The following ACYP2 variants were observed in gnomAD, a reference collection of about 807,000 sequenced individuals.
The protein encoded by ACYP2 is acylphosphatase 2.
A neutral mutation model predicts 11.2 loss-of-function variants in ACYP2; 12 were observed. That is an observed-to-expected ratio of 1.08 (90% CI 0.69 to 1.74). The LOEUF (loss-of-function observed/expected upper bound fraction) is 1.74, where lower values mean the gene tolerates loss of function less well. Ranked by LOEUF, ACYP2 falls within the 40% of genes most tolerant of loss-of-function variation. ACYP2 has a pLI of 0.00. For synonymous variants in ACYP2, 43 were observed against 32.2 expected (o/e 1.33, Z -1.13); for missense variants, 134 against 101.9 (o/e 1.31, Z -1.35).
intron 4 of ACYP2, among the ~76,000 whole-genome samples, chr2:54,124,257 C>T (rs550700700): frequency 2.6e-5 from 4 of 151,538 alleles, no homozygotes; most frequent in East Asian, 1.9e-4. Context: ...TGCAATGGCG[C>T]GATGTGGGCT....
intron 6 of ACYP2, among the ~76,000 whole-genome samples, chr2:54,174,824 C>A (rs1024461653): frequency 6.6e-6 from 1 of 152,100 alleles, no homozygotes. Context: ...TGATGGATTA[C>A]ATTTATTGAT....
intron 6 of ACYP2, chr2:54,255,404 C>T (rs1573000497): frequency 6.2e-7 from 1 of 1,613,940 alleles, no homozygotes; most frequent in African/African-American, 1.3e-5. Context: ...ACCCAGAAGC[C>T]CGGGATATTG....
At chr2:53,999,221 G>A (rs774871963) in intron 2 of ACYP2, among the ~76,000 whole-genome samples, 16 of 152,108 alleles carry the variant, frequency 1.1e-4, no homozygotes, top group Non-Finnish European at 1.9e-4. Flanking sequence ...AACTTGGATC[G>A]CAAAACCTAA....
At chr2:54,193,346 G>A (rs1455262609) in intron 6 of ACYP2, among the ~76,000 whole-genome samples, 1 of 152,100 alleles carries the variant, frequency 6.6e-6, no homozygotes, top group Non-Finnish European at 1.5e-5. Flanking sequence ...TCTATAAAAT[G>A]GAAATGATGA....
In ACYP2 at chr2:54,176,322, T is replaced by A. The variant is rs1465793457; in HGVS notation, c.404+37574T>A. ...TTTTCTTTCCCCTTTCTTGCCAGAA[T>A]GTGAAGACAGGAATTGGAGCAGCCA... On this transcript the variant is annotated intron_variant, in intron 6 of 6. Coordinates refer to ENST00000607452, the MANE Select transcript of ACYP2 (RefSeq NM_001320586.2). 3.9e-5 allele frequency among the ~76,000 whole-genome samples: 6 copies of A among 152,140 alleles called. No homozygotes were observed. In the South Asian group the frequency reaches 6.2e-4, roughly 16 times the overall value.
chr2:54,164,254 GGGAGAA>G (rs1682854759), intron 6 of ACYP2, among the ~76,000 whole-genome samples: 2 of 152,296 alleles, frequency 1.3e-5, no homozygotes, highest in African/African-American at 4.8e-5. Flanking sequence ...ACAGGAACTG[GGGAGAA>G]GTTCAGATGA....
intron 6 of ACYP2, among the ~76,000 whole-genome samples, chr2:54,198,944 T>C (rs1684635290): frequency 2.0e-5 from 3 of 152,204 alleles, no homozygotes; most frequent in African/African-American, 2.4e-5. Flanking sequence ...AGATAAAAGA[T>C]GGGCAAGGAA....
At chr2:54,124,900 G>T (rs1292782811) in intron 4 of ACYP2, among the ~76,000 whole-genome samples, 1 of 151,948 alleles carries the variant, frequency 6.6e-6, no homozygotes, top group African/African-American at 2.4e-5. Context: ...GGCATGTACT[G>T]TCATGCCCAG....
intron 2 of ACYP2, among the ~76,000 whole-genome samples, chr2:54,019,479 C>T (rs146298210): frequency 1.8e-4 from 27 of 151,892 alleles, no homozygotes; most frequent in Admixed American, 1.6e-3. Context: ...TGGGCTCAAG[C>T]AATCCTCCAG....
chr2:54,017,268 T>C (rs1476477434), intron 2 of ACYP2, among the ~76,000 whole-genome samples: 1 of 116,914 alleles, frequency 8.6e-6, no homozygotes, highest in Non-Finnish European at 1.7e-5. Flanking sequence ...TTTTCTTTTC[T>C]TTTCTTTTTT....
intron 6 of ACYP2, among the ~76,000 whole-genome samples, chr2:54,236,452 A>G (rs1178605136): frequency 1.3e-5 from 2 of 152,136 alleles, no homozygotes; most frequent in South Asian, 4.1e-4. Context: ...TCTTTGGCCT[A>G]TGGGTTATTA....
chr2:54,002,716 A>T (rs772637659), intron 2 of ACYP2, among the ~76,000 whole-genome samples: 18 of 149,910 alleles, frequency 1.2e-4, no homozygotes, highest in Non-Finnish European at 2.2e-4. Flanking sequence ...CAATGGTGCG[A>T]TTTCGGCTCA....
At chr2:54,143,766 G>GCA (rs1558566709) in intron 6 of ACYP2, among the ~76,000 whole-genome samples, 16 of 108,060 alleles carry the variant, frequency 1.5e-4, no homozygotes, top group African/African-American at 6.2e-4. Flanking sequence ...TTGGGGGGGG[G>GCA]GTATTCTATC....
At chr2:54,041,903 G>A (rs534544493) in intron 2 of ACYP2, among the ~76,000 whole-genome samples, 5 of 152,064 alleles carry the variant, frequency 3.3e-5, no homozygotes, top group South Asian at 4.2e-4. Context: ...CAATCCTCCC[G>A]CCTCAGCCTC....
chr2:54,281,928 C>G (rs1199451291), intron 6 of ACYP2, among the ~76,000 whole-genome samples: 1 of 152,120 alleles, frequency 6.6e-6, no homozygotes, highest in Non-Finnish European at 1.5e-5. Flanking sequence ...ATAACAGAAG[C>G]AAGCAACACA....
intron 4 of ACYP2, among the ~76,000 whole-genome samples, chr2:54,127,515 A>G (rs1455988344): frequency 6.6e-6 from 1 of 152,130 alleles, no homozygotes; most frequent in Non-Finnish European, 1.5e-5. Context: ...GTGGATCATG[A>G]GGTCAGGAGA....
intron 2 of ACYP2, among the ~76,000 whole-genome samples, chr2:53,977,578 C>T (rs1305132498): frequency 1.3e-5 from 2 of 151,522 alleles, no homozygotes; most frequent in Admixed American, 1.3e-4. Flanking sequence ...ACTAAAAATA[C>T]AAAAAAATTA....
intron 6 of ACYP2, among the ~76,000 whole-genome samples, chr2:54,210,068 G>T (rs984752567): frequency 6.7e-6 from 1 of 149,292 alleles, no homozygotes; most frequent in Non-Finnish European, 1.5e-5. Flanking sequence ...TTGAACCTGG[G>T]AGGCAAAGGT....
At chr2:54,275,562 T>G (rs1268570190) in intron 6 of ACYP2, among the ~76,000 whole-genome samples, 3 of 152,190 alleles carry the variant, frequency 2.0e-5, no homozygotes, top group African/African-American at 7.2e-5. Context: ...AATTTAGGAA[T>G]GGGGAAATCT....
Sources: gnomAD v4.1 joint callset for allele counts (sites outside exome capture counted in the v4.1 genomes callset) on GRCh38, gnomAD v4.1.1 for gene constraint, MANE v1.5 for transcripts, NCBI Gene and HGNC (gene_info 2026-07-23, HGNC 2026-07-21) for gene names.